The following AMPH variants were observed in gnomAD, a reference collection of about 807,000 sequenced individuals.
AMPH encodes amphiphysin.
AMPH carries 49 observed loss-of-function variants against 99.1 expected under a neutral mutation model. The observed-to-expected ratio is 0.49, with a 90% CI of 0.39 to 0.63. AMPH has a LOEUF of 0.63. Ranked by LOEUF, AMPH falls within the 20% of genes least tolerant of loss-of-function variation. The pLI, the probability that AMPH is intolerant of heterozygous loss-of-function variation, is 0.00. For synonymous variants in AMPH, 314 were observed against 317.3 expected (o/e 0.99, Z 0.11); for missense variants, 759 against 863.4 (o/e 0.88, Z 1.52).
chr7:38,609,281 C>T (rs113132221), intron 1 of AMPH, among the ~76,000 whole-genome samples: 2,003 of 152,256 alleles, frequency 0.013, 54 homozygotes, highest in African/African-American at 0.046. Flanking sequence ...GAAACACAGG[C>T]TCTCTCCTTC....
intron 3 of AMPH, among the ~76,000 whole-genome samples, chr7:38,496,363 A>C (rs1372695423): frequency 6.6e-6 from 1 of 152,134 alleles, no homozygotes; most frequent in Admixed American, 6.5e-5. Flanking sequence ...AGACACAGCC[A>C]ACATCTCCCT....
intron 17 of AMPH, among the ~76,000 whole-genome samples, chr7:38,407,251 C>G (rs1185361797): frequency 6.9e-6 from 1 of 145,564 alleles, no homozygotes; most frequent in Admixed American, 6.9e-5. Context: ...ATATCTGTAT[C>G]TAACTATCTA....
intron 1 of AMPH, among the ~76,000 whole-genome samples, chr7:38,621,852 C>T (rs1794078499): frequency 1.3e-5 from 2 of 152,120 alleles, no homozygotes; most frequent in African/African-American, 2.4e-5. Context: ...GACATCATTC[C>T]TCAAAAGAGA....
chr7:38,629,277 G>A (rs571814721), intron 1 of AMPH, among the ~76,000 whole-genome samples: 1 of 152,244 alleles, frequency 6.6e-6, no homozygotes, highest in Non-Finnish European at 1.5e-5. Context: ...CTCAGAAAGG[G>A]GGGCAGAACT....
At chr7:38,560,873 G>C (rs1391602952) in intron 1 of AMPH, among the ~76,000 whole-genome samples, 1 of 152,104 alleles carries the variant, frequency 6.6e-6, no homozygotes, top group African/African-American at 2.4e-5. Context: ...GCTGAAGTCT[G>C]GCTATTTTAT....
chr7:38,429,751 A>G lies in AMPH; in HGVS notation c.1182+91T>C. ...GTTTAAATCTATGACTAGCAATGCC[A>G]TGGGGAAACAGTTCATTCTAGAAAA... is the stretch of plus-strand genomic sequence containing the variant. On this transcript the variant is annotated intron_variant, in intron 14 of 20. Transcript: ENST00000356264. 2 of 1,422,820 alleles carry G rather than the reference A, an allele frequency of 1.4e-6. 1 individual carries two copies. Among genetic ancestry groups the G allele is most frequent in the Middle Eastern group, 4.0e-4 (2 of 5,002 alleles). 88.1% of individuals were successfully genotyped at this position (1,422,820 alleles called of 1,614,324 possible). A position where few individuals can be genotyped will look rare whatever the true frequency, so the allele number is the denominator to read the frequency against.
intron 1 of AMPH, among the ~76,000 whole-genome samples, chr7:38,621,770 G>T (rs1289624518): frequency 6.6e-6 from 1 of 152,072 alleles, no homozygotes; most frequent in Non-Finnish European, 1.5e-5. Context: ...TAGGTTCAGG[G>T]TGATCAAAAT....
chr7:38,432,236 C>G, intron 12 of AMPH, 24 bp from the exon 13 acceptor site: 3 of 1,604,488 alleles, frequency 1.9e-6, no homozygotes, highest in Non-Finnish European at 2.6e-6. Context: ...AACAAAAATA[C>G]TGTTAGTTAT....
chr7:38,534,804 G>A, intron 2 of AMPH, 127 bp downstream of exon 2: 1 of 738,250 alleles, frequency 1.4e-6, no homozygotes. Flanking sequence ...GAATTAGCAA[G>A]TGTTACTCTC....
intron 1 of AMPH, among the ~76,000 whole-genome samples, chr7:38,551,216 T>C (rs138172266): frequency 1.1e-3 from 170 of 152,240 alleles, no homozygotes; most frequent in Non-Finnish European, 2.0e-3. Flanking sequence ...ACTTTTTACA[T>C]AAAATAAGAA....
intron 1 of AMPH, among the ~76,000 whole-genome samples, chr7:38,582,060 T>C (rs767418749): frequency 1.8e-4 from 28 of 151,876 alleles, no homozygotes; most frequent in Non-Finnish European, 3.2e-4. Flanking sequence ...AAACATGAGG[T>C]TGAATGATGT....
At chr7:38,625,636 A>G (rs998225374) in intron 1 of AMPH, among the ~76,000 whole-genome samples, 32 of 152,362 alleles carry the variant, frequency 2.1e-4, no homozygotes, top group African/African-American at 6.7e-4. Flanking sequence ...AAGCAACCCA[A>G]ATAAAATACT....
chr7:38,450,310 G>T (rs1200258119), intron 11 of AMPH, among the ~76,000 whole-genome samples: 1 of 152,178 alleles, frequency 6.6e-6, no homozygotes, highest in Admixed American at 6.5e-5. Context: ...CCTGAGACAG[G>T]CAATATTTTC....
chr7:38,583,939 C>G (rs937509663), intron 1 of AMPH, among the ~76,000 whole-genome samples: 1 of 152,206 alleles, frequency 6.6e-6, no homozygotes, highest in African/African-American at 2.4e-5. Flanking sequence ...TTACTGAGTT[C>G]TGCTCTATAA....
At position 38,526,398 on chromosome 7, in the gene AMPH, T is replaced by C. The variant is rs569097364; in HGVS notation, c.150+8533A>G. On this transcript the variant is annotated intron_variant, in intron 2 of 20. Transcript: ENST00000356264. ...AATTCTCTCACCTCAGCCTCGCAAG[T>C]AGCTGGGACTGCAAGCACCCACTAC... 3.4e-5 allele frequency among the ~76,000 whole-genome samples: 5 copies of C among 148,262 alleles called. No individual in the cohort carries two copies. In the East Asian group the frequency reaches 1.0e-3, roughly 30 times the overall value.
At chr7:38,545,366 TC>T (rs1318914150) in intron 1 of AMPH, among the ~76,000 whole-genome samples, 4 of 152,130 alleles carry the variant, frequency 2.6e-5, no homozygotes, top group African/African-American at 7.2e-5. Context: ...GCTTGCTTTT[TC>T]CCCCTTAAGG....
chr7:38,427,743 G>GCT (rs1785838391), intron 14 of AMPH: 1 of 368,318 alleles, frequency 2.7e-6, no homozygotes, highest in African/African-American at 2.2e-5. Context: ...CCTCCTAGAA[G>GCT]ATAGTGATGG....
intron 1 of AMPH, among the ~76,000 whole-genome samples, chr7:38,564,263 G>T (rs552883590): frequency 3.9e-5 from 6 of 152,340 alleles, no homozygotes; most frequent in African/African-American, 1.2e-4. Context: ...CTAAAGTGGA[G>T]ATGAGGTGAC....
chr7:38,579,808 C>T (rs959813871), intron 1 of AMPH, among the ~76,000 whole-genome samples: 3 of 152,200 alleles, frequency 2.0e-5, no homozygotes, highest in African/African-American at 7.2e-5. Flanking sequence ...ATGTTAATCC[C>T]TACATAACCT....
Sources: gnomAD v4.1 joint callset for allele counts (sites outside exome capture counted in the v4.1 genomes callset) on GRCh38, gnomAD v4.1.1 for gene constraint, MANE v1.5 for transcripts, NCBI Gene and HGNC (gene_info 2026-07-23, HGNC 2026-07-21) for gene names.